The following FSHR variants were observed in gnomAD, a reference collection of about 807,000 sequenced individuals.
FSHR encodes the protein follicle-stimulating hormone receptor.
Under a neutral mutation model 52.1 loss-of-function variants are expected in FSHR, and 46 were observed. That is an observed-to-expected ratio of 0.88 (90% CI 0.70 to 1.13). The LOEUF is 1.13. Ranked by LOEUF, FSHR falls within the 50% of genes most tolerant of loss-of-function variation. The pLI, the probability that FSHR is intolerant of heterozygous loss-of-function variation, is 0.00. For synonymous variants in FSHR, 399 were observed against 309.6 expected (o/e 1.29, Z -3.03); for missense variants, 964 against 834.6 (o/e 1.16, Z -1.91).
At chr2:48,972,582 C>G (rs1318167320) in intron 8 of FSHR, among the ~76,000 whole-genome samples, 1 of 152,180 alleles carries the variant, frequency 6.6e-6, no homozygotes, top group Non-Finnish European at 1.5e-5. Context: ...GTTAGTGACA[C>G]TTGCCCTGTT....
At chr2:49,082,559 G>C (rs1421817096) in intron 1 of FSHR, among the ~76,000 whole-genome samples, 1 of 152,222 alleles carries the variant, frequency 6.6e-6, no homozygotes, top group Admixed American at 6.5e-5. Context: ...AGATACGGGA[G>C]GACGTTCAAA....
intron 1 of FSHR, among the ~76,000 whole-genome samples, chr2:49,145,764 C>G (rs570340246): frequency 1.3e-5 from 2 of 152,120 alleles, no homozygotes; most frequent in South Asian, 4.1e-4. Context: ...TGTTTTCTCT[C>G]CAGTGCCTAA....
intron 6 of FSHR, among the ~76,000 whole-genome samples, chr2:48,984,820 C>G (rs1446329107): frequency 6.6e-6 from 1 of 152,090 alleles, no homozygotes; most frequent in East Asian, 1.9e-4. Context: ...ATCGATGTTG[C>G]TATAATCAAA....
At position 49,082,995 on chromosome 2, in the gene FSHR, C is replaced by T. The variant is rs1461639216; in HGVS notation, c.153-14705G>A. ...ATTCAGATTCAGGAAATACAGAGAACGCCACAAAGATACTCCTCGAGAAGA... is the reference window on the plus strand; with the variant it reads ...ATTCAGATTCAGGAAATACAGAGAATGCCACAAAGATACTCCTCGAGAAGA... On this transcript the variant is annotated intron_variant, in intron 1 of 9. Transcript: ENST00000406846. Among the ~76,000 whole-genome samples, 553 of 151,128 alleles carry T rather than the reference C, an allele frequency of 3.7e-3. 1 individual carries two copies. Among genetic ancestry groups the T allele is most frequent in the African/African-American group, 0.012 (495 of 40,940 alleles).
chr2:49,137,295 G>A (rs1604822), intron 1 of FSHR, among the ~76,000 whole-genome samples: 67,929 of 151,756 alleles, frequency 0.45, 15,515 homozygotes, highest in East Asian at 0.71. Context: ...TTAACAAAAG[G>A]AGTACAAAAC....
chr2:48,992,326 G>A (rs1232932134), intron 4 of FSHR, among the ~76,000 whole-genome samples: 1 of 152,136 alleles, frequency 6.6e-6, no homozygotes, highest in Non-Finnish European at 1.5e-5. Context: ...TTTTCCCTTT[G>A]TAGTTCATCT....
chr2:49,030,579 C>A (rs1668068296), intron 2 of FSHR, among the ~76,000 whole-genome samples: 1 of 152,098 alleles, frequency 6.6e-6, no homozygotes, highest in Non-Finnish European at 1.5e-5. Flanking sequence ...GAAGGAGCAA[C>A]AAGGAGCTCA....
intron 1 of FSHR, among the ~76,000 whole-genome samples, chr2:49,142,316 G>A (rs192629549): frequency 2.0e-5 from 3 of 152,282 alleles, no homozygotes; most frequent in East Asian, 1.9e-4. Context: ...TTTGGGTAGA[G>A]ACTGAAAAGA....
chr2:48,994,839 T>C (rs1039070172), intron 4 of FSHR, among the ~76,000 whole-genome samples: 9 of 152,182 alleles, frequency 5.9e-5, no homozygotes, highest in African/African-American at 2.2e-4. Context: ...CTCAGAGTTT[T>C]CCCTCTCTAC....
intron 1 of FSHR, among the ~76,000 whole-genome samples, chr2:49,138,537 A>G (rs141029775): frequency 6.6e-6 from 1 of 152,210 alleles, no homozygotes; most frequent in East Asian, 1.9e-4. Flanking sequence ...ATAATAGAGT[A>G]CTGATACATT....
At position 49,061,011 on chromosome 2, in the gene FSHR, C is replaced by G. The variant is rs191796902; in HGVS notation, c.224+7208G>C. On this transcript the variant is annotated intron_variant, in intron 2 of 9. Coordinates refer to ENST00000406846, the MANE Select transcript of FSHR (RefSeq NM_000145.4). ...GTTCTCAAATTGCATCCATACCTTTCTCCCCCTGCCCATACCTCCAGATTA... is the reference window on the plus strand; with the variant it reads ...GTTCTCAAATTGCATCCATACCTTTGTCCCCCTGCCCATACCTCCAGATTA... 8.7e-4 allele frequency among the ~76,000 whole-genome samples: 133 copies of G among 152,226 alleles called. 3 individuals are homozygous for G. The highest frequency in any genetic ancestry group is 8.5e-3 in the Admixed American group (130 of 15,278).
chr2:49,125,727 C>T (rs1383201919), intron 1 of FSHR, among the ~76,000 whole-genome samples: 2 of 152,178 alleles, frequency 1.3e-5, no homozygotes, highest in Non-Finnish European at 2.9e-5. Flanking sequence ...ATTTGCAGGA[C>T]TGTTGTTGTT....
In FSHR at chr2:48,963,568, A is replaced by G. The variant is rs1384250984; in HGVS notation, c.1253T>C (p.Ile418Thr). The change falls in exon 10 of 10, where the codon ATT becomes ACT. Residue 418 changes from isoleucine (I) to threonine (T), a missense_variant. Physicochemically the swap from Ile to Thr is moderately conservative, Grantham distance 89. Coordinates refer to ENST00000406846, the MANE Select transcript of FSHR (RefSeq NM_000145.4). The stretch of plus-strand genomic sequence containing the variant: ...CTTGGTATGGATATCAACTGATGCA[A>G]TGAGCAGCAGGTAGATTCCAATGCA... ...DLCIGIYLLL[I>T]ASVDIHTKSQ... The G allele has an allele frequency of 1.2e-6, 2 of 1,614,210 alleles. No individual in the cohort carries two copies. Among genetic ancestry groups the G allele is most frequent in the Non-Finnish European group, 8.5e-7 (1 of 1,180,026 alleles).
chr2:48,996,413 C>T (rs977943104), intron 4 of FSHR, among the ~76,000 whole-genome samples: 1 of 152,044 alleles, frequency 6.6e-6, no homozygotes, highest in African/African-American at 2.4e-5. Context: ...TTCCTATAAG[C>T]CTTTGGTGGC....
At chr2:49,037,063 G>C (rs1668295414) in intron 2 of FSHR, among the ~76,000 whole-genome samples, 1 of 152,168 alleles carries the variant, frequency 6.6e-6, no homozygotes, top group South Asian at 2.1e-4. Context: ...TCTTTGAGAA[G>C]AATTAGAGAT....
intron 4 of FSHR, among the ~76,000 whole-genome samples, chr2:49,013,113 C>A (rs996919856): frequency 1.3e-5 from 2 of 151,610 alleles, no homozygotes; most frequent in Non-Finnish European, 2.9e-5. Flanking sequence ...CTCTCTCTTT[C>A]TCTATCTTCC....
intron 1 of FSHR, among the ~76,000 whole-genome samples, chr2:49,115,157 T>A (rs1416438548): frequency 3.3e-5 from 5 of 150,004 alleles, no homozygotes; most frequent in African/African-American, 1.2e-4. Context: ...ACTTGGCCAC[T>A]GTATGACCCT....
intron 4 of FSHR, among the ~76,000 whole-genome samples, chr2:49,004,095 G>C (rs551127264): frequency 3.3e-5 from 5 of 152,300 alleles, no homozygotes; most frequent in South Asian, 4.1e-4. Flanking sequence ...CTGTCATTCT[G>C]TCTGTGCCCC....
chr2:49,087,754 G>A (rs908814277), intron 1 of FSHR, among the ~76,000 whole-genome samples: 1 of 152,092 alleles, frequency 6.6e-6, no homozygotes, highest in Non-Finnish European at 1.5e-5. Context: ...TGTGGGAGAG[G>A]ACTAATATAT....
Sources: allele counts gnomAD v4.1 joint callset (sites outside exome capture counted in the v4.1 genomes callset), GRCh38; gene constraint gnomAD v4.1.1; transcripts MANE v1.5; gene names NCBI Gene and HGNC (gene_info 2026-07-23, HGNC 2026-07-21).